The following TTC28 variants were observed in gnomAD, a reference collection of about 807,000 sequenced individuals.
TTC28 encodes tetratricopeptide repeat protein 28.
Under a neutral mutation model 198.0 loss-of-function variants are expected in TTC28, and 61 were observed. That is an observed-to-expected ratio of 0.31 (90% confidence interval 0.25 to 0.38). The LOEUF is 0.38. Among genes scored for constraint, TTC28 ranks in the 10% least tolerant of loss-of-function variants. The pLI is 1.00. For missense variants in TTC28, 2,678 were observed against 3,164.0 expected, an observed-to-expected ratio of 0.85 and a Z score of 3.69; for synonymous variants, 1,171 against 1,297.8, an observed-to-expected ratio of 0.90 and a Z score of 2.10.
At chr22:28,422,639 G>A (rs907756240) in intron 2 of TTC28, among the ~76,000 whole-genome samples, 2 of 151,630 alleles carry the variant, frequency 1.3e-5, no homozygotes, top group African/African-American at 4.8e-5. Context: ...TAGAGATGGG[G>A]TTTCACCGTG....
At chr22:28,307,931 A>C (rs909771517) in intron 2 of TTC28, among the ~76,000 whole-genome samples, 5 of 152,178 alleles carry the variant, frequency 3.3e-5, no homozygotes, top group Non-Finnish European at 7.4e-5. Context: ...GCATATACAC[A>C]GAGAGTGAGA....
intron 13 of TTC28, among the ~76,000 whole-genome samples, chr22:28,019,412 C>T (rs2146597709): frequency 6.6e-6 from 1 of 152,310 alleles, no homozygotes; most frequent in East Asian, 1.9e-4. Context: ...CAGTTAGGTG[C>T]AGGCTCAGCT....
At chr22:28,263,449 A>G (rs1931465215) in intron 5 of TTC28, among the ~76,000 whole-genome samples, 3 of 152,186 alleles carry the variant, frequency 2.0e-5, no homozygotes, top group Admixed American at 1.3e-4. Flanking sequence ...TAGCAGGCAA[A>G]AAAAATTCAG....
At chr22:28,066,252 CATTA>C (rs998941614) in intron 12 of TTC28, among the ~76,000 whole-genome samples, 3 of 151,616 alleles carry the variant, frequency 2.0e-5, no homozygotes, top group African/African-American at 7.3e-5. Flanking sequence ...TTAATTAACA[CATTA>C]ATTACCTTAC....
chr22:28,170,980 CTTTTT>C (rs76585422), intron 5 of TTC28, among the ~76,000 whole-genome samples: 1 of 132,800 alleles, frequency 7.5e-6, no homozygotes, highest in Non-Finnish European at 1.6e-5. Context: ...GCCACTCATT[CTTTTT>C]TTTTTTTTTT....
intron 2 of TTC28, among the ~76,000 whole-genome samples, chr22:28,599,913 C>T (rs558020530): frequency 6.6e-6 from 1 of 152,132 alleles, no homozygotes; most frequent in South Asian, 2.1e-4. Flanking sequence ...AATTTCATTT[C>T]TTTCAGTCCA....
chr22:28,519,079 T>C (rs760517660), intron 2 of TTC28, among the ~76,000 whole-genome samples: 2 of 152,136 alleles, frequency 1.3e-5, no homozygotes, highest in Admixed American at 6.5e-5. Flanking sequence ...TTCTAAGCAA[T>C]AGCAGATCAG....
chr22:28,338,565 T>C (rs1283528031), intron 2 of TTC28, among the ~76,000 whole-genome samples: 1 of 152,178 alleles, frequency 6.6e-6, no homozygotes, highest in Non-Finnish European at 1.5e-5. Flanking sequence ...TCTAAACTTC[T>C]CTTCTCGCTT....
At chr22:28,449,740 AAAC>A (rs1381913809) in intron 2 of TTC28, among the ~76,000 whole-genome samples, 5 of 152,212 alleles carry the variant, frequency 3.3e-5, no homozygotes, top group Non-Finnish European at 7.3e-5. Context: ...AAGAATAGGA[AAAC>A]AACAAAGACA....
intron 2 of TTC28, among the ~76,000 whole-genome samples, chr22:28,465,020 T>A (rs1013337570): frequency 4.6e-5 from 7 of 152,254 alleles, no homozygotes; most frequent in Non-Finnish European, 8.8e-5. Context: ...TTCACTTTCT[T>A]ACTGGATTTC....
At chr22:28,371,511 A>AAAAAAAAAAAAAAAAAAC (rs2046333243) in intron 2 of TTC28, among the ~76,000 whole-genome samples, 1 of 127,982 alleles carries the variant, frequency 7.8e-6, no homozygotes, top group Non-Finnish European at 1.6e-5. Flanking sequence ...CCCTGTCTCA[A>AAAAAAAAAAAAAAAAAAC]AAAAAAAAAA....
chr22:28,093,653 C>A (rs1941881548), intron 12 of TTC28, among the ~76,000 whole-genome samples: 1 of 152,190 alleles, frequency 6.6e-6, no homozygotes, highest in South Asian at 2.1e-4. Context: ...CTCAGGCTCA[C>A]AGATCTGTGC....
chr22:28,349,466 C>T (rs950581775), intron 2 of TTC28, among the ~76,000 whole-genome samples: 16 of 152,188 alleles, frequency 1.1e-4, no homozygotes, highest in African/African-American at 3.6e-4. Flanking sequence ...AATGCCCATC[C>T]ATCTGCCTGA....
chr22:28,178,681 T>C (rs1436509174), intron 5 of TTC28, among the ~76,000 whole-genome samples: 1 of 152,208 alleles, frequency 6.6e-6, no homozygotes, highest in African/African-American at 2.4e-5. Context: ...TAAGTTTAGA[T>C]GAATTCTGTC....
chr22:28,560,356 T>C (rs2049848795), intron 2 of TTC28, among the ~76,000 whole-genome samples: 1 of 152,328 alleles, frequency 6.6e-6, no homozygotes, highest in South Asian at 2.1e-4. Context: ...GCCACCAGAA[T>C]GACCTTTCCA....
chr22:28,518,615 T>A (rs554936040), intron 2 of TTC28, among the ~76,000 whole-genome samples: 7 of 152,176 alleles, frequency 4.6e-5, no homozygotes, highest in African/African-American at 1.7e-4. Flanking sequence ...CTCTATTTTT[T>A]AAAAAAAGAA....
At chr22:28,245,176 G>C (rs1929989171) in intron 5 of TTC28, among the ~76,000 whole-genome samples, 1 of 152,138 alleles carries the variant, frequency 6.6e-6, no homozygotes, top group African/African-American at 2.4e-5. Flanking sequence ...TTCCCTTTGG[G>C]ATTCTGATAA....
chr22:28,546,891 G>A (rs979645257), intron 2 of TTC28, among the ~76,000 whole-genome samples: 4 of 152,076 alleles, frequency 2.6e-5, no homozygotes, highest in Non-Finnish European at 5.9e-5. Flanking sequence ...CATGCTGTGC[G>A]ACTCCAAACA....
intron 6 of TTC28, among the ~76,000 whole-genome samples, chr22:28,146,858 C>T (rs1277422693): frequency 2.0e-5 from 3 of 151,788 alleles, no homozygotes; most frequent in African/African-American, 7.3e-5. Context: ...GCTTGCTTTA[C>T]AAGCATGTTG....
Sources: allele counts gnomAD v4.1 joint callset (sites outside exome capture counted in the v4.1 genomes callset), GRCh38; gene constraint gnomAD v4.1.1; transcripts MANE v1.5; gene names NCBI Gene and HGNC (gene_info 2026-07-23, HGNC 2026-07-21).